F13A1: variants seen among roughly 807,000 people sequenced by gnomAD.
F13A1 encodes the protein FSF, A subunit.
A neutral mutation model predicts 80.1 loss-of-function variants in F13A1; 47 were observed. That is an observed-to-expected ratio of 0.59 (90% CI 0.46 to 0.75). The LOEUF is 0.75. Among genes scored for constraint, F13A1 ranks in the 30% least tolerant of loss-of-function variants. The probability of loss-of-function intolerance (pLI) is 0.00; values close to 1 mark genes in which losing one functional copy is unlikely to be tolerated. For missense variants in F13A1, 817 were observed against 930.4 expected, an observed-to-expected ratio of 0.88 and a Z score of 1.59; for synonymous variants, 349 against 344.9, an observed-to-expected ratio of 1.01 and a Z score of -0.13.
intron 12 of F13A1, among the ~76,000 whole-genome samples, chr6:6,169,141 CTG>C (rs1397424150): frequency 4.6e-5 from 7 of 152,152 alleles, no homozygotes; most frequent in Non-Finnish European, 1.5e-5. Context: ...ACCTAGACAT[CTG>C]TATTTTTAAC....
intron 3 of F13A1, among the ~76,000 whole-genome samples, chr6:6,291,652 A>C (rs972210705): frequency 6.6e-6 from 1 of 152,138 alleles, no homozygotes; most frequent in Non-Finnish European, 1.5e-5. Flanking sequence ...ACTCTCGTGG[A>C]TTGAGTGACA....
chr6:6,206,284 C>T, intron 8 of F13A1: 1 of 356,108 alleles, frequency 2.8e-6, no homozygotes, highest in East Asian at 7.4e-5. Flanking sequence ...TTCAGTATAG[C>T]CTAGGCGGTG....
At position 6,250,921 on chromosome 6, in the gene F13A1, C is replaced by T. The variant is rs779369218; in HGVS notation, c.580G>A (p.Val194Met). Residue 194 changes from valine to methionine, a missense_variant, in exon 5 of 15, where the codon GTG becomes ATG. Physicochemically the swap from Val to Met is conservative, Grantham distance 21 (BLOSUM62 1). Coordinates refer to ENST00000264870, the MANE Select transcript of F13A1 (RefSeq NM_000129.4). This position sits in a 1 kb window ranked among gnomAD's most constrained non-coding sequence, Gnocchi z 4.2. ...LFNPWCEDDAVYLDNEKEREE... is the reference protein window; with the variant it reads ...LFNPWCEDDAMYLDNEKEREE... ...CTTTCTTTCTCATTGTCCAGATACA[C>T]AGCATCATCTGCATCAGGGTTTAAA... 1 of 1,605,342 alleles carries T rather than the reference C, an allele frequency of 6.2e-7. No homozygotes were observed. The highest frequency in any genetic ancestry group is 1.7e-5 in the Admixed American group (1 of 60,008).
intron 7 of F13A1, 128 bp from the exon 8 acceptor site, chr6:6,222,299 C>T (rs1294563985): frequency 3.2e-6 from 4 of 1,262,460 alleles, no homozygotes; most frequent in Non-Finnish European, 4.5e-6. Context: ...ATGTTATTCT[C>T]AAATGTTCCA....
intron 8 of F13A1, among the ~76,000 whole-genome samples, chr6:6,219,578 C>T (rs547961555): frequency 3.2e-4 from 48 of 152,236 alleles, no homozygotes; most frequent in South Asian, 2.7e-3. Context: ...CAAGTAGCTG[C>T]CCAAGCCAGA....
chr6:6,208,816 A>C (rs2113027931), intron 8 of F13A1, among the ~76,000 whole-genome samples: 1 of 152,234 alleles, frequency 6.6e-6, no homozygotes, highest in South Asian at 2.1e-4. Flanking sequence ...TTTATACTTC[A>C]TACATACATA....
At chr6:6,268,224 T>C (rs531659918) in intron 3 of F13A1, among the ~76,000 whole-genome samples, 1 of 152,344 alleles carries the variant, frequency 6.6e-6, no homozygotes, top group East Asian at 1.9e-4. Context: ...ACTTCTGTGC[T>C]CATAGAGCTG....
At chr6:6,146,438 A>T (rs1760281745) in intron 14 of F13A1, among the ~76,000 whole-genome samples, 1 of 152,104 alleles carries the variant, frequency 6.6e-6, no homozygotes, top group Admixed American at 6.5e-5. Flanking sequence ...ATAGCCTTTC[A>T]TGGTTCTAGT....
intron 10 of F13A1, among the ~76,000 whole-genome samples, chr6:6,185,028 C>T (rs1761053386): frequency 6.6e-6 from 1 of 151,970 alleles, no homozygotes; most frequent in Non-Finnish European, 1.5e-5. Flanking sequence ...CACCCAAAAT[C>T]AATTGACGCT....
At chr6:6,279,169 T>C (rs1486430406) in intron 3 of F13A1, among the ~76,000 whole-genome samples, 1 of 152,128 alleles carries the variant, frequency 6.6e-6, no homozygotes, top group East Asian at 1.9e-4. Context: ...GGACATGGTA[T>C]AAAAAATGTG....
intron 12 of F13A1, among the ~76,000 whole-genome samples, chr6:6,169,045 G>A (rs1760726912): frequency 6.6e-6 from 1 of 152,196 alleles, no homozygotes; most frequent in Admixed American, 6.5e-5. Context: ...TCTCAGTCAT[G>A]GCTCTATATC....
rs1760364305 is a variant in F13A1, at chr6:6,151,055, A to G, written c.2045+758T>C. On this transcript the variant is annotated intron_variant, in intron 14 of 14. Coordinates refer to ENST00000264870, the MANE Select transcript of F13A1 (RefSeq NM_000129.4). Reference sequence around the variant, plus strand: ...TCATTGGCAGGATCAAATGGTAGAAAAACCTGTTTCCTTACTGTTAGAGCT... The same window carrying G: ...TCATTGGCAGGATCAAATGGTAGAAGAACCTGTTTCCTTACTGTTAGAGCT... Among the ~76,000 whole-genome samples, 2 of 152,190 alleles carry G rather than the reference A, an allele frequency of 1.3e-5. 1 individual carries two copies. Among genetic ancestry groups the G allele is most frequent in the South Asian group, 4.2e-4 (2 of 4,816 alleles).
rs530628356 is a variant in F13A1 at position 6,145,901 on chromosome 6, C to A, written c.2046-129G>T. On this transcript the variant is annotated intron_variant, in intron 14 of 14. Transcript: ENST00000264870. ...GTTGGTGCTTAGGACACTGAAGACT[C>A]TCACTGGCTGATTCAGCAAGTTATG... 18 of 1,233,654 alleles carry A rather than the reference C, an allele frequency of 1.5e-5. No individual in the cohort carries two copies. In the African/African-American group the frequency reaches 2.1e-4, roughly 14 times the overall value. The allele number at this position is 1,233,654 out of a possible 1,614,324, so 76.4% of individuals were successfully genotyped here.
chr6:6,197,871 C>T (rs1204485854), intron 8 of F13A1, among the ~76,000 whole-genome samples: 2 of 152,186 alleles, frequency 1.3e-5, no homozygotes, highest in Non-Finnish European at 2.9e-5. Context: ...CTAAGAGCAG[C>T]TTCAAGGCCA....
At position 6,248,301 on chromosome 6, in the gene F13A1, T is replaced by A; in HGVS notation, c.798+11A>T. The A allele has an allele frequency of 1.2e-6, 2 of 1,610,448 alleles. No individual in the cohort carries two copies. The highest frequency in any genetic ancestry group is 1.7e-6 in the Non-Finnish European group (2 of 1,176,860). On this transcript the variant is annotated intron_variant, in intron 6 of 14. Coordinates refer to ENST00000264870, the MANE Select transcript of F13A1 (RefSeq NM_000129.4). ...TGTAACAGATTTTAGGTATCAGTAATTGCTGCTTACCATTGCAGACCCCAC... is the reference window on the plus strand; with the variant it reads ...TGTAACAGATTTTAGGTATCAGTAAATGCTGCTTACCATTGCAGACCCCAC...
chr6:6,197,254 A>G lies in F13A1; in HGVS notation c.1185T>C (p.Ala395=), dbSNP rs950824584. The G allele has an allele frequency of 1.9e-6, 3 of 1,614,094 alleles. No individual in the cohort carries two copies. The African/African-American group carries it at 4.0e-5, about 22-fold the overall frequency. The change falls in exon 9 of 15, where the codon GCT becomes GCC. Residue 395 remains alanine (A), a synonymous_variant. Transcript: ENST00000264870. ...DLPVGFGGWQ[A]VDSTPQENSD... Reference sequence around the variant, plus strand: ...TATTTTCCTGGGGGGTGCTGTCCACAGCTTGCCAGCCTCCAAATCCAACAG... The same window carrying G: ...TATTTTCCTGGGGGGTGCTGTCCACGGCTTGCCAGCCTCCAAATCCAACAG...
intron 10 of F13A1, among the ~76,000 whole-genome samples, chr6:6,195,205 C>G (rs1761267992): frequency 6.6e-6 from 1 of 152,236 alleles, no homozygotes; most frequent in Non-Finnish European, 1.5e-5. Flanking sequence ...AATGGCAGAG[C>G]CTTTGCCCAG....
chr6:6,317,067 G>A (rs2113205009), intron 2 of F13A1, among the ~76,000 whole-genome samples: 2 of 152,276 alleles, frequency 1.3e-5, no homozygotes, highest in East Asian at 3.9e-4. Context: ...TTCTTCCAGT[G>A]CCTACACCCC....
Position 6,197,324 on chromosome 6 carries a change from T to C in F13A1, c.1115A>G (p.Asn372Ser). ...CCATGCTTCATTCCAGCAGTGGTAG[T>C]TCCTTAGAAAACACAAGCCCAGAAA... Reference protein sequence around the residue: ...NSKLTKDSVWNYHCWNEAWMT... With the variant: ...NSKLTKDSVWSYHCWNEAWMT... The change falls in exon 9 of 15, where the codon AAC becomes AGC. Residue 372 changes from asparagine (N) to serine (S), a missense_variant and splice_region_variant. Transcript: ENST00000264870. 1 of 1,613,800 alleles carries C rather than the reference T, an allele frequency of 6.2e-7. No individual in the cohort carries two copies. The highest frequency in any genetic ancestry group is 1.1e-5 in the South Asian group (1 of 91,076).
Sources: gnomAD v4.1 joint callset for allele counts (sites outside exome capture counted in the v4.1 genomes callset) on GRCh38, gnomAD v4.1.1 for gene constraint, Gnocchi (gnomAD v3.1) non-coding constraint, MANE v1.5 for transcripts, NCBI Gene and HGNC (gene_info 2026-07-23, HGNC 2026-07-21) for gene names.